MADD: variants seen among roughly 807,000 people sequenced by gnomAD.
The protein encoded by MADD is MAP kinase-activating death domain protein.
Under a neutral mutation model 176.7 loss-of-function variants are expected in MADD, and 109 were observed. The observed-to-expected ratio is 0.62, with a 90% CI of 0.53 to 0.72. The LOEUF (loss-of-function observed/expected upper bound fraction) is 0.72, where lower values mean the gene tolerates loss of function less well. Among genes scored for constraint, MADD ranks in the 30% least tolerant of loss-of-function variants. The pLI is 0.00. For synonymous variants in MADD, 771 were observed against 771.3 expected (o/e 1.00, Z 0.01); for missense variants, 1,914 against 2,045.5 (o/e 0.94, Z 1.24).
intron 27 of MADD, among the ~76,000 whole-genome samples, chr11:47,316,210 A>T (rs1173749434): frequency 6.6e-6 from 1 of 152,152 alleles, no homozygotes; most frequent in African/African-American, 2.4e-5. Context: ...TATATAGATG[A>T]TATAGTCACA....
rs1595468662 is a variant in MADD, at chr11:47,323,579, G to A, written c.4198-92G>A. 33 of 1,363,916 alleles carry A rather than the reference G, an allele frequency of 2.4e-5. No homozygotes were observed. In the East Asian group the frequency reaches 7.2e-4, roughly 30 times the overall value. The allele number at this position is 1,363,916 out of a possible 1,614,324, so 84.5% of individuals were successfully genotyped here. A position where few individuals can be genotyped will look rare whatever the true frequency, so the allele number is the denominator to read the frequency against. On this transcript the variant is annotated intron_variant, in intron 27 of 32. Coordinates refer to ENST00000402192, the Ensembl canonical transcript of MADD. ...GTAAGGCAGAAAACCTGACCATGGG[G>A]ATGCCCCAGGACCACCTTTCCCTGT...
At chr11:47,309,119 G>C (rs1003945033) in intron 23 of MADD, 77 bp downstream of exon 26, 3 of 1,564,296 alleles carry the variant, frequency 1.9e-6, no homozygotes, top group Admixed American at 1.7e-5. Context: ...GGCATCTGGG[G>C]CTGGTGGCAG....
intron 27 of MADD, among the ~76,000 whole-genome samples, chr11:47,319,738 C>T (rs2094018757): frequency 6.6e-6 from 1 of 152,160 alleles, no homozygotes. Context: ...AGCCTGTAAT[C>T]CCAGCACATT....
intron 22 of MADD, among the ~76,000 whole-genome samples, chr11:47,298,405 G>A (rs757268418): frequency 1.4e-4 from 22 of 152,198 alleles, no homozygotes; most frequent in Non-Finnish European, 2.6e-4. Context: ...AGTGAGAACC[G>A]TCTACAGCAG....
Position 47,289,848 on chromosome 11 carries a change from C to T in MADD, c.2757-19C>T, listed in dbSNP as rs201353212. 14 of 1,611,894 alleles carry T rather than the reference C, an allele frequency of 8.7e-6. No homozygotes were observed. The highest frequency in any genetic ancestry group is 2.2e-5 in the East Asian group (1 of 44,862). ...GCAAAGGAGCTGATGACCACAGAAGCGGTGTGTGGACCCTGTAGTGAGAAC... is the reference window on the plus strand; with the variant it reads ...GCAAAGGAGCTGATGACCACAGAAGTGGTGTGTGGACCCTGTAGTGAGAAC... On this transcript the variant is annotated intron_variant, in intron 16 of 32. Transcript: ENST00000402192.
At chr11:47,327,370 TG>T in intron 31 of MADD, 1 of 984,052 alleles carries the variant, frequency 1.0e-6, no homozygotes, top group African/African-American at 1.7e-5. Context: ...CCTGGGGCTT[TG>T]AGTTCCTGCT....
intron 25 of MADD, among the ~76,000 whole-genome samples, chr11:47,310,918 A>AG (rs559309676): frequency 6.6e-6 from 1 of 152,036 alleles, no homozygotes; most frequent in East Asian, 1.9e-4. Flanking sequence ...AAAAAAAAAA[A>AG]AAAAAGAAAT....
At chr11:47,307,308 A>G (rs906546787) in intron 22 of MADD, among the ~76,000 whole-genome samples, 1 of 152,208 alleles carries the variant, frequency 6.6e-6, no homozygotes, top group African/African-American at 2.4e-5. Flanking sequence ...TCGGTCTTGC[A>G]GGAAGCCATT....
In MADD at chr11:47,290,302, AG is replaced by A. The variant is rs1249708241; in HGVS notation, c.3094+6del. On this transcript the variant is annotated splice_donor_region_variant and intron_variant, in intron 18 of 32. Coordinates refer to ENST00000402192, the Ensembl canonical transcript of MADD. ...CCAGACCCACTACTATAGTAAAGGTAGGGATCGTACTTGCTGGGCACCACGC... is the reference window on the plus strand; with the variant it reads ...CCAGACCCACTACTATAGTAAAGGTAGGATCGTACTTGCTGGGCACCACGC... 7 of 1,613,456 alleles carry A rather than the reference AG, an allele frequency of 4.3e-6. No individual in the cohort carries two copies. In the South Asian group the frequency reaches 6.6e-5, roughly 15 times the overall value.
intron 32 of MADD, 149 bp downstream of exon 36, chr11:47,328,853 T>C: frequency 9.2e-7 from 1 of 1,090,924 alleles, no homozygotes; most frequent in Non-Finnish European, 1.4e-6. Flanking sequence ...CTGAAACAGG[T>C]CTTGAGCCCT....
At chr11:47,316,839 G>T (rs1458757145) in intron 27 of MADD, among the ~76,000 whole-genome samples, 2 of 151,858 alleles carry the variant, frequency 1.3e-5, no homozygotes, top group Non-Finnish European at 2.9e-5. Flanking sequence ...TGCCCCTTGG[G>T]TTCAAGTGAT....
At chr11:47,327,826 C>A (rs2095622255) in intron 31 of MADD, 1 of 985,322 alleles carries the variant, frequency 1.0e-6, no homozygotes, top group East Asian at 1.1e-4. Flanking sequence ...AGATGCCAGG[C>A]CCCTCTGCTC....
Position 47,325,526 on chromosome 11 carries a change from C to G in MADD, c.4542+949C>G, listed in dbSNP as rs1231086403. Among the ~76,000 whole-genome samples, 1 of 152,206 alleles carries G rather than the reference C, an allele frequency of 6.6e-6. No homozygotes were observed. Among genetic ancestry groups the G allele is most frequent in the African/African-American group, 2.4e-5 (1 of 41,436 alleles). Reference sequence around the variant, plus strand: ...CCTCCCTCCGCTAGCCGTTGTAGCTCTCTTTCAGGAACGTAGCTGGGCAGC... The same window carrying G: ...CCTCCCTCCGCTAGCCGTTGTAGCTGTCTTTCAGGAACGTAGCTGGGCAGC... On this transcript the variant is annotated intron_variant, in intron 30 of 32. Coordinates refer to ENST00000402192, the Ensembl canonical transcript of MADD. This position sits in a 1 kb window ranked among gnomAD's most constrained non-coding sequence, Gnocchi z 4.5.
chr11:47,290,938 G>A (rs2064624352), intron 19 of MADD, 122 bp downstream of exon 20: 2 of 773,338 alleles, frequency 2.6e-6, no homozygotes, highest in Middle Eastern at 3.8e-4. Flanking sequence ...AGAGGGAAGG[G>A]GGCCTGTGTC....
At chr11:47,315,359 G>C (rs781569517) in intron 27 of MADD, 32 bp downstream of exon 30, 2 of 1,387,138 alleles carry the variant, frequency 1.4e-6, no homozygotes, top group East Asian at 4.6e-5. Flanking sequence ...GGGCCCAAAG[G>C]GCTATTGAGA....
chr11:47,328,678 G>T, exon 32 of MADD: 4 of 1,614,204 alleles, frequency 2.5e-6, no homozygotes, highest in Non-Finnish European at 3.4e-6. Flanking sequence ...TAAAGAAGTG[G>T]TGAGCCACAA....
chr11:47,320,195 G>C (rs928814598), intron 27 of MADD, among the ~76,000 whole-genome samples: 1 of 151,248 alleles, frequency 6.6e-6, no homozygotes, highest in Admixed American at 6.6e-5. Flanking sequence ...GGTGGCTCAC[G>C]CCTGTAATCC....
intron 31 of MADD, chr11:47,327,127 A>G: frequency 9.3e-7 from 1 of 1,076,190 alleles, no homozygotes; most frequent in South Asian, 3.5e-5. Flanking sequence ...GACACAGCAG[A>G]CTGGCGACCC....
At position 47,295,990 on chromosome 11, in the gene MADD, G is replaced by A. The variant is rs771027789; in HGVS notation, c.3577G>A (p.Ala1193Thr). 4.3e-5 allele frequency: 70 copies of A among 1,614,008 alleles called. No individual in the cohort carries two copies. Among genetic ancestry groups the A allele is most frequent in the East Asian group, 2.2e-4 (10 of 44,890 alleles). ...AGGTGGCGAGGGCAGTGTTCACCTG[G>A]CAAGCTCTCGGGGCACTTTGTCTGA... The change falls in exon 22 of 33, where the codon GCA becomes ACA. Residue 1193 changes from alanine (A) to threonine (T), a missense_variant. By Grantham distance (58) the Ala-to-Thr change is moderately conservative (BLOSUM62 0). Transcript: ENST00000402192.
Sources: gnomAD v4.1 joint callset for allele counts (sites outside exome capture counted in the v4.1 genomes callset) on GRCh38, gnomAD v4.1.1 for gene constraint, Gnocchi (gnomAD v3.1) non-coding constraint, MANE v1.5 for transcripts, NCBI Gene and HGNC (gene_info 2026-07-23, HGNC 2026-07-21) for gene names.